GSE1: variants seen among roughly 807,000 people sequenced by gnomAD.
The protein encoded by GSE1 is genetic suppressor element 1.
A neutral mutation model predicts 112.6 loss-of-function variants in GSE1; 32 were observed. The observed-to-expected ratio is 0.28, with a 90% confidence interval of 0.21 to 0.38. The LOEUF (loss-of-function observed/expected upper bound fraction) is 0.38, where lower values mean the gene tolerates loss of function less well. GSE1 is among the 10% of genes least tolerant of loss of function. The pLI is 1.00. For missense variants in GSE1, 2,348 were observed against 1,699.2 expected (o/e 1.38, Z -6.71); for synonymous variants, 1,115 against 735.6 (o/e 1.52, Z -8.35).
chr16:85,638,775 C>T (rs955054850), intron 2 of GSE1, among the ~76,000 whole-genome samples: 1 of 150,612 alleles, frequency 6.6e-6, no homozygotes, highest in African/African-American at 2.4e-5. Flanking sequence ...TCCCCTGACT[C>T]CCCGTCCTAC....
intron 1 of GSE1, among the ~76,000 whole-genome samples, chr16:85,290,175 C>T (rs940577897): frequency 6.6e-6 from 1 of 152,156 alleles, no homozygotes; most frequent in Non-Finnish European, 1.5e-5. Context: ...TGGGAAGGGT[C>T]GTCCCCTTTG....
At chr16:85,523,127 CTG>C (rs1054255592) in intron 2 of GSE1, among the ~76,000 whole-genome samples, 22 of 148,956 alleles carry the variant, frequency 1.5e-4, no homozygotes, top group Admixed American at 5.3e-4. Flanking sequence ...TGTGTGTGGC[CTG>C]TGTGTGTGTG....
intron 1 of GSE1, among the ~76,000 whole-genome samples, chr16:85,281,715 G>A (rs1004236917): frequency 5.3e-5 from 8 of 152,198 alleles, no homozygotes; most frequent in African/African-American, 1.9e-4. Context: ...GGTTTTCAGG[G>A]TGTCAGCCCA....
At chr16:85,431,216 CAG>C (rs2049113020) in intron 2 of GSE1, among the ~76,000 whole-genome samples, 1 of 152,180 alleles carries the variant, frequency 6.6e-6, no homozygotes, top group Non-Finnish European at 1.5e-5. Context: ...GCGCAGGAGC[CAG>C]AGACCCAAGG....
chr16:85,484,376 A>C (rs1260265473), intron 2 of GSE1, among the ~76,000 whole-genome samples: 2 of 152,232 alleles, frequency 1.3e-5, no homozygotes, highest in East Asian at 1.9e-4. Context: ...TCTGGAGATA[A>C]ATTAGTTTTT....
chr16:85,170,736 C>T (rs892847075), exon 1 of GSE1: 324 of 985,440 alleles, frequency 3.3e-4, no homozygotes, highest in Non-Finnish European at 3.6e-4. Flanking sequence ...TGTGGCTGCA[C>T]AGCCCGCCCC....
chr16:85,499,099 T>C (rs2051275833), intron 2 of GSE1, among the ~76,000 whole-genome samples: 1 of 151,948 alleles, frequency 6.6e-6, no homozygotes, highest in African/African-American at 2.4e-5. Context: ...CTGCAGGTTC[T>C]GAGCAGGGGA....
intron 1 of GSE1, among the ~76,000 whole-genome samples, chr16:85,304,607 G>A (rs28624325): frequency 8.1e-6 from 1 of 123,872 alleles, no homozygotes; most frequent in African/African-American, 3.4e-5. Flanking sequence ...GGGGCGGGGG[G>A]GTGGGGCATC....
At chr16:85,248,054 C>T (rs1156745414) in intron 1 of GSE1, among the ~76,000 whole-genome samples, 2 of 152,228 alleles carry the variant, frequency 1.3e-5, no homozygotes, top group East Asian at 1.9e-4. Flanking sequence ...CTGGTGCCCC[C>T]AGCTCTGTCC....
chr16:85,282,998 C>T (rs1489567830), intron 1 of GSE1: 1 of 152,402 alleles, frequency 6.6e-6, no homozygotes, highest in Non-Finnish European at 1.5e-5. Context: ...GCAGGCTGGC[C>T]TGGGGTCGGG....
At chr16:85,430,178 C>T (rs1428007613) in intron 2 of GSE1, among the ~76,000 whole-genome samples, 2 of 152,304 alleles carry the variant, frequency 1.3e-5, no homozygotes, top group East Asian at 3.9e-4. Flanking sequence ...TGCCCGTGAG[C>T]ACATTTAATC....
At chr16:85,645,027 C>T (rs1035598953) in intron 2 of GSE1, among the ~76,000 whole-genome samples, 1 of 151,810 alleles carries the variant, frequency 6.6e-6, no homozygotes, top group African/African-American at 2.4e-5. Flanking sequence ...CTGTCCCCAC[C>T]CTCTGCCCCT....
At chr16:85,583,929 G>A (rs192624054) in intron 1 of GSE1, among the ~76,000 whole-genome samples, 10 of 152,322 alleles carry the variant, frequency 6.6e-5, no homozygotes, top group African/African-American at 2.4e-4. Context: ...GGTCCAGTGA[G>A]TACAAAACGC....
chr16:85,274,902 GCCC>G (rs1909204192), intron 1 of GSE1, among the ~76,000 whole-genome samples: 1 of 152,226 alleles, frequency 6.6e-6, no homozygotes, highest in Non-Finnish European at 1.5e-5. Flanking sequence ...GGCCCTCACT[GCCC>G]CTGTTCCAGT....
At chr16:85,282,018 T>C (rs1405629232) in intron 1 of GSE1, among the ~76,000 whole-genome samples, 1 of 151,588 alleles carries the variant, frequency 6.6e-6, no homozygotes, top group South Asian at 2.1e-4. Flanking sequence ...TGTGAGTTGC[T>C]ATGTTTTCTT....
intron 12 of GSE1, among the ~76,000 whole-genome samples, chr16:85,665,640 T>C (rs750740966): frequency 2.6e-5 from 4 of 152,238 alleles, no homozygotes; most frequent in Non-Finnish European, 5.9e-5. Flanking sequence ...AGAGGGAATC[T>C]TTACAGTGCG....
intron 2 of GSE1, among the ~76,000 whole-genome samples, chr16:85,449,624 G>T (rs1267256081): frequency 6.6e-6 from 1 of 152,232 alleles, no homozygotes; most frequent in African/African-American, 2.4e-5. Flanking sequence ...AAGCCCAAAT[G>T]CCTTGTTCCC....
chr16:85,428,152 G>C (rs8049593), intron 2 of GSE1, among the ~76,000 whole-genome samples: 82,181 of 152,056 alleles, frequency 0.54, 25,801 homozygotes, highest in Non-Finnish European at 0.71. Flanking sequence ...TTGTCTCTTT[G>C]AGCCTCTCCA....
Position 85,674,587 on chromosome 16 carries a change from C to T in GSE1, c.*2048C>T, listed in dbSNP as rs1357888737. The T allele has an allele frequency of 6.6e-6, 1 of 152,262 alleles. No individual in the cohort carries two copies. The highest frequency in any genetic ancestry group is 1.5e-5 in the Non-Finnish European group (1 of 68,044). The allele number at this position is 152,262 out of a possible 1,614,324, so 9.4% of individuals were successfully genotyped here. On this transcript the variant is annotated 3_prime_UTR_variant, in exon 16 of 16. Transcript: ENST00000253458. The stretch of plus-strand genomic sequence containing the variant: ...AGTCACATCTTAGCACTTCCGCTCT[C>T]AGGCCTCCTCCTCCATCACAGATGT...
Sources: gnomAD v4.1 joint callset for allele counts (sites outside exome capture counted in the v4.1 genomes callset) on GRCh38, gnomAD v4.1.1 for gene constraint, MANE v1.5 for transcripts, NCBI Gene and HGNC (gene_info 2026-07-23, HGNC 2026-07-21) for gene names.